Variants in NDST1 observed in about 807,000 individuals in gnomAD.
NDST1 encodes bifunctional heparan sulfate N-deacetylase/N-sulfotransferase 1.
A neutral mutation model predicts 92.8 loss-of-function variants in NDST1; 35 were observed. The ratio of observed to expected loss-of-function variants is 0.38; its 90% CI spans 0.29 to 0.50. The LOEUF (loss-of-function observed/expected upper bound fraction) is 0.50. Among genes scored for constraint, NDST1 ranks in the 20% least tolerant of loss-of-function variants. The probability of loss-of-function intolerance (pLI) is 0.94; values close to 1 mark genes in which losing one functional copy is unlikely to be tolerated. For missense variants in NDST1, 822 were observed against 1,182.7 expected (o/e 0.69, Z 4.47); for synonymous variants, 493 against 500.3 (o/e 0.99, Z 0.19).
chr5:150,541,566 T>G lies in NDST1; in HGVS notation c.1750-4T>G, dbSNP rs1000142356. 1.2e-6 allele frequency: 2 copies of G among 1,614,036 alleles called. No individual in the cohort carries two copies. The highest frequency in any genetic ancestry group is 2.7e-5 in the African/African-American group (2 of 74,922). ...CCCACACATCCCTTCCACTGTTGTT[T>G]TAGGACCCCTGCGAGGACAAACGTC... is the stretch of plus-strand genomic sequence containing the variant. On this transcript the variant is annotated splice_polypyrimidine_tract_variant and splice_region_variant and intron_variant, in intron 8 of 14. Coordinates refer to ENST00000261797, the MANE Select transcript of NDST1 (RefSeq NM_001543.5).
intron 1 of NDST1, among the ~76,000 whole-genome samples, chr5:150,509,197 G>T (rs1561587859): frequency 6.6e-6 from 1 of 152,188 alleles, no homozygotes; most frequent in Non-Finnish European, 1.5e-5. Flanking sequence ...ATCTCTCAGG[G>T]TGTATCTGAG....
chr5:150,547,437 G>A (rs3822608), intron 11 of NDST1, among the ~76,000 whole-genome samples: 3,661 of 152,306 alleles, frequency 0.024, 144 homozygotes, highest in East Asian at 0.16. Flanking sequence ...ACAGGTGCCT[G>A]AGCTCTGGCT....
At chr5:150,524,731 T>C (rs1047844890) in intron 2 of NDST1, among the ~76,000 whole-genome samples, 1 of 152,264 alleles carries the variant, frequency 6.6e-6, no homozygotes, top group African/African-American at 2.4e-5. Context: ...GTCTCAGATT[T>C]TGGAATGCTT....
Position 150,521,433 on chromosome 5 carries a change from C to G in NDST1, c.179C>G (p.Pro60Arg). 1 of 1,613,096 alleles carries G rather than the reference C, an allele frequency of 6.2e-7. No homozygotes were observed. Among genetic ancestry groups the G allele is most frequent in the Non-Finnish European group, 8.5e-7 (1 of 1,179,878 alleles). Residue 60 changes from proline to arginine, a missense_variant, in exon 2 of 15, where the codon CCG becomes CGG. By Grantham distance (103) the Pro-to-Arg change is moderately radical. Transcript: ENST00000261797. This position sits in a 1 kb window ranked among gnomAD's most constrained non-coding sequence, Gnocchi z 5.9. ...CCCGAGCCTGACTGCGGGGACCCGCCGCCTGTGGCCCCCAGTCGCCTGCTG... is the reference window on the plus strand; with the variant it reads ...CCCGAGCCTGACTGCGGGGACCCGCGGCCTGTGGCCCCCAGTCGCCTGCTG... ...DAPEPDCGDP[P>R]PVAPSRLLPL... is the part of the protein sequence containing the mutation.
In NDST1 at chr5:150,523,980, A is replaced by T. The variant is rs147118475; in HGVS notation, c.513+2213A>T. ...CACATCTTTCCACTCTTTCTGCAAG[A>T]CCAACTTCCCCGCTGTGTGCTGGGC... On this transcript the variant is annotated intron_variant, in intron 2 of 14. Transcript: ENST00000261797. 4.7e-3 allele frequency among the ~76,000 whole-genome samples: 713 copies of T among 152,220 alleles called. 4 individuals are homozygous for T. Among genetic ancestry groups the T allele is most frequent in the African/African-American group, 0.017 (685 of 41,514 alleles).
Position 150,521,205 on chromosome 5 carries a change from G to T in NDST1, c.-50G>T. 6.5e-7 allele frequency: 1 copy of T among 1,536,654 alleles called. No homozygotes were observed. Among genetic ancestry groups the T allele is most frequent in the South Asian group, 1.2e-5 (1 of 85,834 alleles). On this transcript the variant is annotated 5_prime_UTR_variant, in exon 2 of 15. Coordinates refer to ENST00000261797, the MANE Select transcript of NDST1 (RefSeq NM_001543.5). The surrounding 1 kb of genome is among the most constrained non-coding windows in gnomAD (Gnocchi z 5.9). ...TGTCTCCTCCTGTGTGGGGCCTTGG[G>T]GTAGCCAGGGCAGGCCGGGCCTCCG...
chr5:150,527,793 A>G lies in NDST1; in HGVS notation c.514-11A>G. The G allele has an allele frequency of 1.2e-6, 2 of 1,613,318 alleles. No individual in the cohort carries two copies. Among genetic ancestry groups the G allele is most frequent in the South Asian group, 1.1e-5 (1 of 91,078 alleles). On this transcript the variant is annotated splice_polypyrimidine_tract_variant and intron_variant, in intron 2 of 14. Coordinates refer to ENST00000261797, the MANE Select transcript of NDST1 (RefSeq NM_001543.5). ...AGTTCTGTTCCCCTTCCTGCCCTCC[A>G]TTGACTGCAGGCCAATGAGAACAGC... is the stretch of plus-strand genomic sequence containing the variant.
intron 6 of NDST1, among the ~76,000 whole-genome samples, chr5:150,538,372 T>G (rs1755087355): frequency 6.6e-6 from 1 of 152,114 alleles, no homozygotes. Flanking sequence ...CTGGCTGTTG[T>G]GTGGAGCAGA....
intron 1 of NDST1, 96 bp downstream of exon 1, chr5:150,508,322 A>AGTGTGTGTGTGTGTGTGTGT (rs56201209): frequency 3.4e-5 from 5 of 146,076 alleles, no homozygotes; most frequent in African/African-American, 1.3e-4. Flanking sequence ...GGTCCATCTG[A>AGTGTGTGTGTGTGTGTGTGT]GTGTGTGTGT....
intron 1 of NDST1, among the ~76,000 whole-genome samples, chr5:150,515,617 CAGCAAA>C (rs1753922135): frequency 6.6e-6 from 1 of 152,126 alleles, no homozygotes. Context: ...GGAATTTCAT[CAGCAAA>C]AGCCTCAATG....
intron 1 of NDST1, among the ~76,000 whole-genome samples, chr5:150,499,475 C>T (rs1298430748): frequency 6.6e-6 from 1 of 152,232 alleles, no homozygotes; most frequent in Non-Finnish European, 1.5e-5. Flanking sequence ...TCTTCTAAGG[C>T]AGCGGGTGTA....
upstream of NDST1, among the ~76,000 whole-genome samples, chr5:150,504,086 G>A (rs1753346623): frequency 6.6e-6 from 1 of 152,064 alleles, no homozygotes; most frequent in Non-Finnish European, 1.5e-5. Flanking sequence ...GTGGAATGTG[G>A]CCCCTTCAGA....
chr5:150,528,815 AC>A (rs1754588952), intron 3 of NDST1, among the ~76,000 whole-genome samples: 1 of 151,934 alleles, frequency 6.6e-6, no homozygotes, highest in Non-Finnish European at 1.5e-5. Flanking sequence ...AAAAAATAAA[AC>A]TTTATTGTAT....
Position 150,535,021 on chromosome 5 carries a change from C to A in NDST1, c.1251C>A (p.Val417=). 1 of 1,613,720 alleles carries A rather than the reference C, an allele frequency of 6.2e-7. No individual in the cohort carries two copies. The highest frequency in any genetic ancestry group is 1.1e-5 in the South Asian group (1 of 91,012). The change falls in exon 5 of 15, where the codon GTC becomes GTA. Residue 417 remains valine (V), a splice_region_variant and synonymous_variant. Coordinates refer to ENST00000261797, the MANE Select transcript of NDST1 (RefSeq NM_001543.5). Reference sequence around the variant, plus strand: ...TGGCCTTGAACAAGAAGTTCGCTGTCGTGAGTAAGATTCCTTGCAGGGCAG... The same window carrying A: ...TGGCCTTGAACAAGAAGTTCGCTGTAGTGAGTAAGATTCCTTGCAGGGCAG... ...EQMALNKKFA[V]EHGIPTDMGY...
chr5:150,545,877 A>G (rs1437592599), intron 11 of NDST1, among the ~76,000 whole-genome samples: 1 of 152,052 alleles, frequency 6.6e-6, no homozygotes, highest in Admixed American at 6.6e-5. Flanking sequence ...CAAGACTGCC[A>G]TTCACAGTGG....
At position 150,540,362 on chromosome 5, in the gene NDST1, G is replaced by T. The variant is rs1400987377; in HGVS notation, c.1749+98G>T. 3.1e-6 allele frequency: 4 copies of T among 1,298,010 alleles called. No individual in the cohort carries two copies. The East Asian group carries it at 7.1e-5, about 23-fold the overall frequency. 80.4% of individuals were successfully genotyped at this position (1,298,010 alleles called of 1,614,324 possible). A position where few individuals can be genotyped will look rare whatever the true frequency, so the allele number is the denominator to read the frequency against. ...TATGGACTCAAGGCTCAGCCATCAT[G>T]CCTTCACACTCTCGCTCGAATGTAA... On this transcript the variant is annotated intron_variant, in intron 8 of 14. Coordinates refer to ENST00000261797, the MANE Select transcript of NDST1 (RefSeq NM_001543.5).
chr5:150,528,793 T>C (rs1418144658), intron 3 of NDST1, among the ~76,000 whole-genome samples: 1 of 152,066 alleles, frequency 6.6e-6, no homozygotes, highest in Non-Finnish European at 1.5e-5. Context: ...AGACTCTGTC[T>C]CAAAAAAATT....
intron 9 of NDST1, 39 bp downstream of exon 9, chr5:150,541,705 C>T (rs751091250): frequency 2.5e-6 from 4 of 1,580,630 alleles, no homozygotes; most frequent in Non-Finnish European, 3.5e-6. Flanking sequence ...CCCCAACTGC[C>T]TGCTGTCTCA....
At chr5:150,550,134 T>A in intron 13 of NDST1, among the ~76,000 whole-genome samples, 1 of 150,044 alleles carries the variant, frequency 6.7e-6, no homozygotes, top group Non-Finnish European at 1.5e-5. Context: ...ACAGGGTCAC[T>A]CTGTTGCCCA....
Sources: allele counts gnomAD v4.1 joint callset (sites outside exome capture counted in the v4.1 genomes callset), GRCh38; gene constraint gnomAD v4.1.1; non-coding constraint Gnocchi (gnomAD v3.1); transcripts MANE v1.5; gene names NCBI Gene and HGNC (gene_info 2026-07-23, HGNC 2026-07-21).